Variants in TRIM36 observed in about 807,000 individuals in gnomAD.
TRIM36 encodes the protein tripartite motif containing 36, also known as E3 ubiquitin-protein ligase TRIM36.
Under a neutral mutation model 72.4 loss-of-function variants are expected in TRIM36, and 42 were observed. That is an observed-to-expected ratio of 0.58 (90% CI 0.45 to 0.75). The LOEUF (loss-of-function observed/expected upper bound fraction) is 0.75, where lower values mean the gene tolerates loss of function less well. Among genes scored for constraint, TRIM36 ranks in the 30% least tolerant of loss-of-function variants. The probability of loss-of-function intolerance (pLI) is 0.00; values close to 1 mark genes in which losing one functional copy is unlikely to be tolerated. For missense variants in TRIM36, 913 were observed against 857.1 expected, an observed-to-expected ratio of 1.07 and a Z score of -0.81; for synonymous variants, 315 against 282.8, an observed-to-expected ratio of 1.11 and a Z score of -1.14.
chr5:115,137,549 T>C lies in TRIM36; in HGVS notation c.899A>G (p.Glu300Gly). 2 of 1,614,046 alleles carry C rather than the reference T, an allele frequency of 1.2e-6. No homozygotes were observed. Among genetic ancestry groups the C allele is most frequent in the Non-Finnish European group, 1.7e-6 (2 of 1,179,968 alleles). ...HFEKLFEVLE[E>G]RKSSVLKAID... is the part of the protein sequence containing the mutation. ...TGCTTTCAAAACAGATGATTTCCTCTCTTCCAGAACTTCAAAGAGCTTTTC... is the reference window on the plus strand; with the variant it reads ...TGCTTTCAAAACAGATGATTTCCTCCCTTCCAGAACTTCAAAGAGCTTTTC... The change falls in exon 6 of 10, where the codon GAG becomes GGG. Residue 300 changes from glutamate (E) to glycine (G), a missense_variant. Coordinates refer to ENST00000513154, the MANE Select transcript of TRIM36 (RefSeq NM_001300759.2).
intron 4 of TRIM36, among the ~76,000 whole-genome samples, chr5:115,143,040 T>C (rs921548329): frequency 6.6e-6 from 1 of 151,912 alleles, no homozygotes; most frequent in African/African-American, 2.4e-5. Flanking sequence ...GAAGAGACTG[T>C]TGTAAAGAGA....
chr5:115,137,180 A>G, intron 6 of TRIM36, 56 bp from the exon 7 acceptor site: 17 of 1,520,040 alleles, frequency 1.1e-5, no homozygotes, highest in East Asian at 2.3e-5. Flanking sequence ...ATCAGACTAA[A>G]TATCTGCAAC....
intron 3 of TRIM36, 32 bp downstream of exon 3, chr5:115,147,037 T>C (rs776175655): frequency 6.5e-7 from 1 of 1,544,824 alleles, no homozygotes; most frequent in Non-Finnish European, 8.8e-7. Flanking sequence ...TAAGTTAAAA[T>C]AACATTCTAA....
upstream of TRIM36, among the ~76,000 whole-genome samples, chr5:115,173,938 A>G (rs571919004): frequency 1.3e-5 from 2 of 152,180 alleles, no homozygotes; most frequent in Non-Finnish European, 2.9e-5. Context: ...TTGCTCTTCT[A>G]TCACAGGGGC....
intron 1 of TRIM36, chr5:115,179,836 C>A: frequency 2.6e-6 from 2 of 762,788 alleles, no homozygotes; most frequent in Non-Finnish European, 4.3e-6. Context: ...CTGGGACGCC[C>A]GGGCTGCGAG....
intron 3 of TRIM36, among the ~76,000 whole-genome samples, chr5:115,145,793 G>C (rs1354826834): frequency 1.3e-5 from 2 of 152,148 alleles, no homozygotes; most frequent in Non-Finnish European, 2.9e-5. Flanking sequence ...ACTGGAAAAG[G>C]TTTCAAGTTT....
intron 2 of TRIM36, among the ~76,000 whole-genome samples, chr5:115,151,343 T>G (rs947511229): frequency 6.6e-6 from 1 of 152,028 alleles, no homozygotes; most frequent in African/African-American, 2.4e-5. Context: ...CCTGGAAACC[T>G]CATCCCCCAA....
At position 115,137,137 on chromosome 5, in the gene TRIM36, A is replaced by G; in HGVS notation, c.1086-13T>C. 1 of 1,560,852 alleles carries G rather than the reference A, an allele frequency of 6.4e-7. No individual in the cohort carries two copies. The highest frequency in any genetic ancestry group is 1.2e-5 in the South Asian group (1 of 83,172). ...GGCTTTCTGTATTCTGCAGACAGAT[A>G]TTTTATATAAAAATGTTTCTTTAAG... On this transcript the variant is annotated splice_polypyrimidine_tract_variant and intron_variant, in intron 6 of 9. Coordinates refer to ENST00000513154, the MANE Select transcript of TRIM36 (RefSeq NM_001300759.2).
chr5:115,163,715 G>C lies in TRIM36; in HGVS notation c.65C>G (p.Pro22Arg). ...GTGGGTAAACAGCTCCTTGCATGCT[G>C]GGCAAATGAGCTCCCTTTCGATATT... ...IKNIERELICPACKELFTHPL... is the reference protein window; with the variant it reads ...IKNIERELICRACKELFTHPL... The change falls in exon 2 of 10, where the codon CCA becomes CGA. Residue 22 changes from proline to arginine, a missense_variant. Coordinates refer to ENST00000513154, the MANE Select transcript of TRIM36 (RefSeq NM_001300759.2). 1 of 1,614,148 alleles carries C rather than the reference G, an allele frequency of 6.2e-7. No homozygotes were observed. Among genetic ancestry groups the C allele is most frequent in the Non-Finnish European group, 8.5e-7 (1 of 1,180,040 alleles).
At chr5:115,163,465 A>C in intron 2 of TRIM36, 53 bp downstream of exon 2, 1 of 1,457,904 alleles carries the variant, frequency 6.9e-7, no homozygotes. Flanking sequence ...CACTGAATAT[A>C]TATCTATAAG....
At chr5:115,166,814 G>A (rs191372896) in intron 1 of TRIM36, among the ~76,000 whole-genome samples, 1 of 152,216 alleles carries the variant, frequency 6.6e-6, no homozygotes, top group Admixed American at 6.5e-5. Context: ...CAAGTTTCTG[G>A]GTGCCACCAT....
chr5:115,130,501 GAAATGTATACTCC>G, intron 9 of TRIM36, 78 bp downstream of exon 9: 1 of 1,410,876 alleles, frequency 7.1e-7, no homozygotes, highest in Non-Finnish European at 9.6e-7. Context: ...TAAGAAATAA[GAAATGTATACTCC>G]AAATGTAACA....
chr5:115,169,406 C>CT (rs1216629008), intron 1 of TRIM36, among the ~76,000 whole-genome samples: 1 of 152,266 alleles, frequency 6.6e-6, no homozygotes, highest in Admixed American at 6.5e-5. Flanking sequence ...CCACGTCCGG[C>CT]TCTCGGGGAT....
intron 8 of TRIM36, 51 bp downstream of exon 8, chr5:115,133,809 G>C: frequency 6.6e-7 from 1 of 1,506,958 alleles, no homozygotes; most frequent in Non-Finnish European, 8.9e-7. Context: ...ATTTTATCAA[G>C]GTCTCTTGCA....
intron 2 of TRIM36, among the ~76,000 whole-genome samples, chr5:115,158,535 T>A (rs1231201152): frequency 6.6e-6 from 1 of 152,230 alleles, no homozygotes; most frequent in Non-Finnish European, 1.5e-5. Flanking sequence ...CCCATCGCTA[T>A]CCCTGGACAG....
intron 9 of TRIM36, among the ~76,000 whole-genome samples, chr5:115,129,675 C>T (rs141854640): frequency 6.6e-6 from 1 of 152,294 alleles, no homozygotes; most frequent in African/African-American, 2.4e-5. Flanking sequence ...GTTTCATTCT[C>T]ATCCTAAGAA....
At chr5:115,161,228 C>A (rs1017622186) in intron 2 of TRIM36, among the ~76,000 whole-genome samples, 3 of 151,992 alleles carry the variant, frequency 2.0e-5, no homozygotes, top group Non-Finnish European at 4.4e-5. Flanking sequence ...GGGTCTATCT[C>A]GCTCATTGTT....
intron 2 of TRIM36, among the ~76,000 whole-genome samples, chr5:115,147,753 C>A (rs559061499): frequency 6.6e-6 from 1 of 152,110 alleles, no homozygotes; most frequent in African/African-American, 2.4e-5. Flanking sequence ...TACTTTTATA[C>A]ACCATATCCA....
At chr5:115,140,201 T>TG (rs1336449461) in intron 5 of TRIM36, among the ~76,000 whole-genome samples, 1 of 152,136 alleles carries the variant, frequency 6.6e-6, no homozygotes, top group Non-Finnish European at 1.5e-5. Context: ...CAACCTATAT[T>TG]GGAAAAAAAC....
Sources: allele counts gnomAD v4.1 joint callset (sites outside exome capture counted in the v4.1 genomes callset), GRCh38; gene constraint gnomAD v4.1.1; transcripts MANE v1.5; gene names NCBI Gene and HGNC (gene_info 2026-07-23, HGNC 2026-07-21).